Variants in DNAJC2 observed in about 807,000 individuals in gnomAD.
DNAJC2 encodes the protein dnaJ homolog subfamily C member 2.
In DNAJC2, 32 loss-of-function variants were observed where a neutral mutation model predicts 94.0. The observed-to-expected ratio is 0.34, with a 90% CI of 0.26 to 0.46. DNAJC2 has a LOEUF of 0.46. DNAJC2 is among the 20% of genes least tolerant of loss of function. DNAJC2 has a pLI of 1.00. For missense variants in DNAJC2, 550 were observed against 719.5 expected (o/e 0.76, Z 2.69); for synonymous variants, 210 against 229.7 (o/e 0.91, Z 0.77).
Position 103,337,800 on chromosome 7 carries a change from A to AT in DNAJC2, c.266dup (p.His89GlnfsTer24). ...CATGGCCAAGTCCAAGAACTGCATA[A>AT]TGATCTTGGTTCTGGAAAAAAAACA... On this transcript the variant is annotated frameshift_variant, in exon 3 of 17. Transcript: ENST00000379263. LOFTEE classifies it high-confidence loss of function. The AT allele has an allele frequency of 6.2e-7, 1 of 1,613,376 alleles. No individual in the cohort carries two copies. Among genetic ancestry groups the AT allele is most frequent in the Non-Finnish European group, 8.5e-7 (1 of 1,179,730 alleles).
intron 1 of DNAJC2, among the ~76,000 whole-genome samples, chr7:103,342,557 G>A (rs1398733803): frequency 2.0e-5 from 3 of 151,398 alleles, no homozygotes; most frequent in Admixed American, 6.6e-5. Context: ...TGCCTGCCTC[G>A]GCCTCCCAAA....
intron 3 of DNAJC2, among the ~76,000 whole-genome samples, chr7:103,332,443 G>T (rs989481448): frequency 1.4e-4 from 21 of 152,144 alleles, no homozygotes; most frequent in African/African-American, 5.1e-4. Context: ...TTAACAAAAT[G>T]AATTATTCCA....
In DNAJC2 at chr7:103,326,196, T is replaced by G. The variant is rs575375916; in HGVS notation, c.572+347A>C. Among the ~76,000 whole-genome samples, 19 of 152,268 alleles carry G rather than the reference T, an allele frequency of 1.2e-4. No homozygotes were observed. In the East Asian group the frequency reaches 3.7e-3, roughly 29 times the overall value. On this transcript the variant is annotated intron_variant, in intron 5 of 16. Coordinates refer to ENST00000379263, the MANE Select transcript of DNAJC2 (RefSeq NM_014377.3). ...TTTCACCATGTTGGCCAGGCTGGTC[T>G]TGAACTCCTGACCTCAGGTGATCCG...
At chr7:103,331,606 A>C (rs561539827) in intron 3 of DNAJC2, among the ~76,000 whole-genome samples, 1 of 152,340 alleles carries the variant, frequency 6.6e-6, no homozygotes, top group African/African-American at 2.4e-5. Context: ...GAGTGAGAAC[A>C]TGCAATATTT....
In DNAJC2 at chr7:103,312,511, T is replaced by C; in HGVS notation, c.*58A>G. ...ATTACCATGAGTATAATTTTAAGAA[T>C]GAAAATGTTTACAGTATTTTCAGTT... On this transcript the variant is annotated 3_prime_UTR_variant, in exon 17 of 17. Coordinates refer to ENST00000379263, the MANE Select transcript of DNAJC2 (RefSeq NM_014377.3). 6.3e-7 allele frequency: 1 copy of C among 1,583,802 alleles called. No individual in the cohort carries two copies.
rs1014347419 is a variant in DNAJC2 at position 103,337,932 on chromosome 7, G to T, written c.256-121C>A. On this transcript the variant is annotated intron_variant, in intron 2 of 16. Coordinates refer to ENST00000379263, the MANE Select transcript of DNAJC2 (RefSeq NM_014377.3). ...ACATTTCATCAGGAGTCCAGTAAGA[G>T]GTTCTGTATAAACCAGGGTCTATGG... 3 of 699,854 alleles carry T rather than the reference G, an allele frequency of 4.3e-6. No individual in the cohort carries two copies. In the Admixed American group the frequency reaches 7.3e-5, roughly 17 times the overall value. The allele number at this position is 699,854 out of a possible 1,614,324, so 43.4% of individuals were successfully genotyped here. A position where few individuals can be genotyped will look rare whatever the true frequency, so the allele number is the denominator to read the frequency against.
intron 12 of DNAJC2, among the ~76,000 whole-genome samples, chr7:103,317,884 CAG>C (rs1400192110): frequency 2.6e-5 from 4 of 152,308 alleles, no homozygotes; most frequent in African/African-American, 9.6e-5. Context: ...CTCCTGACCT[CAG>C]GGGATCTGTC....
rs781035170 is a variant in DNAJC2, at chr7:103,316,873, G to C, written c.1384C>G (p.Leu462Val). ...GGGAACAGATTCACAGCTTTAATTA[G>C]TAATTGTAGATCATCTTCTGACCAA... ...KNWSEDDLQLLIKAVNLFPAG... is the reference protein window; with the variant it reads ...KNWSEDDLQLVIKAVNLFPAG... Residue 462 changes from leucine (L) to valine (V), a missense_variant, in exon 13 of 17, where the codon CTA becomes GTA. This residue lies in a region of DNAJC2 where 271 missense variants were observed against 302.6 expected (regional missense o/e 0.90). Coordinates refer to ENST00000379263, the MANE Select transcript of DNAJC2 (RefSeq NM_014377.3). The C allele has an allele frequency of 6.2e-7, 1 of 1,613,928 alleles. No individual in the cohort carries two copies. The highest frequency in any genetic ancestry group is 8.5e-7 in the Non-Finnish European group (1 of 1,179,986).
intron 9 of DNAJC2, 73 bp downstream of exon 9, chr7:103,322,437 AG>A (rs1818472598): frequency 2.3e-6 from 3 of 1,316,326 alleles, no homozygotes; most frequent in Admixed American, 2.7e-5. Flanking sequence ...TTTTAAAAAA[AG>A]ATGTGAAGAT....
rs746131814 is a variant in DNAJC2 at position 103,337,786 on chromosome 7, C to G, written c.281G>C (p.Gly94Ala). 3.7e-6 allele frequency: 6 copies of G among 1,613,240 alleles called. No homozygotes were observed. The highest frequency in any genetic ancestry group is 5.1e-6 in the Non-Finnish European group (6 of 1,179,780). Reference sequence around the variant, plus strand: ...AGCCTTGTATCTCACATGGCCAAGTCCAAGAACTGCATAATGATCTTGGTT... The same window carrying G: ...AGCCTTGTATCTCACATGGCCAAGTGCAAGAACTGCATAATGATCTTGGTT... ...WKNQDHYAVL[G>A]LGHVRYKATQ... is the part of the protein sequence containing the mutation. Residue 94 changes from glycine (G) to alanine (A), a missense_variant, in exon 3 of 17, where the codon GGA (glycine) becomes GCA (alanine). Gly to Ala is a moderately conservative substitution (Grantham distance 60, BLOSUM62 0). Coordinates refer to ENST00000379263, the MANE Select transcript of DNAJC2 (RefSeq NM_014377.3).
chr7:103,344,478 G>A, intron 1 of DNAJC2, 81 bp downstream of exon 1: 3 of 1,523,782 alleles, frequency 2.0e-6, no homozygotes, highest in Non-Finnish European at 2.7e-6. Context: ...CAAGGGTAGA[G>A]AGAGCCCAGG....
chr7:103,325,678 G>A lies in DNAJC2; in HGVS notation c.572+865C>T, dbSNP rs1451125441. On this transcript the variant is annotated intron_variant, in intron 5 of 16. Coordinates refer to ENST00000379263, the MANE Select transcript of DNAJC2 (RefSeq NM_014377.3). ...GTTCTCCAGGTAATTCCAATGTGCA[G>A]CCAAGATGTGCTTTAAGGGAACCTG... is the stretch of plus-strand genomic sequence containing the variant. Among the ~76,000 whole-genome samples, 5 of 152,138 alleles carry A rather than the reference G, an allele frequency of 3.3e-5. No individual in the cohort carries two copies. The East Asian group carries it at 9.6e-4, about 29-fold the overall frequency.
chr7:103,316,670 T>C (rs767324741), intron 13 of DNAJC2, 160 bp downstream of exon 13: 6 of 626,330 alleles, frequency 9.6e-6, no homozygotes, highest in South Asian at 3.9e-5. Flanking sequence ...TGGGTAAGAC[T>C]GACAGCTTCA....
intron 2 of DNAJC2, among the ~76,000 whole-genome samples, chr7:103,339,880 C>T (rs1819313451): frequency 6.6e-6 from 1 of 152,154 alleles, no homozygotes; most frequent in Non-Finnish European, 1.5e-5. Flanking sequence ...CTCTTGTTGC[C>T]CAGGCTGGAG....
At chr7:103,338,811 G>C (rs565523310) in intron 2 of DNAJC2, among the ~76,000 whole-genome samples, 73 of 152,166 alleles carry the variant, frequency 4.8e-4, no homozygotes, top group African/African-American at 1.8e-3. Context: ...TCGGGAGGCT[G>C]AGGCAAGATA....
At chr7:103,330,952 T>C (rs10257369) in intron 3 of DNAJC2, among the ~76,000 whole-genome samples, 34,925 of 151,624 alleles carry the variant, frequency 0.23, 6,333 homozygotes, top group African/African-American at 0.51. Context: ...TCATAATACA[T>C]GAACAAAATC....
At chr7:103,321,179 C>T (rs1818387385) in intron 10 of DNAJC2, among the ~76,000 whole-genome samples, 1 of 152,026 alleles carries the variant, frequency 6.6e-6, no homozygotes, top group African/African-American at 2.4e-5. Context: ...GCCTGAGTGA[C>T]TGAGACCCTG....
At chr7:103,342,153 G>A (rs1819395220) in intron 1 of DNAJC2, among the ~76,000 whole-genome samples, 199 bp from the exon 2 acceptor site, 2 of 152,086 alleles carry the variant, frequency 1.3e-5, no homozygotes, top group South Asian at 2.1e-4. Flanking sequence ...GTATTAAAGA[G>A]TATTTAATCA....
chr7:103,325,342 CAGG>C (rs1818646476), intron 5 of DNAJC2, among the ~76,000 whole-genome samples: 1 of 151,806 alleles, frequency 6.6e-6, no homozygotes, highest in Non-Finnish European at 1.5e-5. Context: ...GAGGCTGAGG[CAGG>C]AGAATTGCTT....
Sources: gnomAD v4.1 joint callset for allele counts (sites outside exome capture counted in the v4.1 genomes callset) on GRCh38, gnomAD v4.1.1 for gene constraint, gnomAD v4.1.1 regional missense constraint, MANE v1.5 for transcripts, NCBI Gene and HGNC (gene_info 2026-07-23, HGNC 2026-07-21) for gene names.